The following KCTD8 variants were observed in gnomAD, a reference collection of about 807,000 sequenced individuals.
The protein encoded by KCTD8 is potassium channel tetramerization domain containing 8.
KCTD8 carries 27 observed loss-of-function variants against 31.5 expected under a neutral mutation model. The ratio of observed to expected loss-of-function variants is 0.86; its 90% CI spans 0.63 to 1.18. KCTD8 has a LOEUF of 1.18. Among genes scored for constraint, KCTD8 ranks in the 50% most tolerant of loss-of-function variants. The pLI is 0.00. For missense variants in KCTD8, 658 were observed against 647.7 expected, an observed-to-expected ratio of 1.02 and a Z score of -0.17; for synonymous variants, 290 against 280.0, an observed-to-expected ratio of 1.04 and a Z score of -0.36.
At chr4:44,407,438 G>C (rs1270518120) in intron 1 of KCTD8, among the ~76,000 whole-genome samples, 3 of 148,900 alleles carry the variant, frequency 2.0e-5, no homozygotes, top group Non-Finnish European at 4.4e-5. Context: ...CCCAGACTGA[G>C]TGCAATAGTG....
intron 1 of KCTD8, among the ~76,000 whole-genome samples, chr4:44,192,459 G>T (rs2109335385): frequency 6.8e-6 from 1 of 147,866 alleles, no homozygotes; most frequent in Non-Finnish European, 1.5e-5. Flanking sequence ...TGGATGGGGT[G>T]CAAGGTAAGC....
At chr4:44,294,463 C>G (rs546537046) in intron 1 of KCTD8, among the ~76,000 whole-genome samples, 2 of 152,190 alleles carry the variant, frequency 1.3e-5, no homozygotes, top group Non-Finnish European at 2.9e-5. Flanking sequence ...CTCATGCCAT[C>G]AAGTTCAAAA....
At chr4:44,248,552 C>T (rs1715734331) in intron 1 of KCTD8, among the ~76,000 whole-genome samples, 1 of 151,748 alleles carries the variant, frequency 6.6e-6, no homozygotes, top group African/African-American at 2.4e-5. Flanking sequence ...ACATTTTCTC[C>T]CTGTCTGGGG....
At chr4:44,192,075 T>C (rs1713779849) in intron 1 of KCTD8, among the ~76,000 whole-genome samples, 1 of 152,196 alleles carries the variant, frequency 6.6e-6, no homozygotes, top group African/African-American at 2.4e-5. Flanking sequence ...CCTTTATTTC[T>C]CAGACTGGCC....
chr4:44,271,776 T>C (rs1447156094), intron 1 of KCTD8, among the ~76,000 whole-genome samples: 1 of 152,178 alleles, frequency 6.6e-6, no homozygotes, highest in East Asian at 1.9e-4. Flanking sequence ...GGAATACTTT[T>C]AGTTAATCTA....
chr4:44,439,194 A>G (rs1721755028), intron 1 of KCTD8, among the ~76,000 whole-genome samples: 1 of 152,206 alleles, frequency 6.6e-6, no homozygotes, highest in African/African-American at 2.4e-5. Context: ...GCAATATAAT[A>G]TGAATCCTAT....
intron 1 of KCTD8, among the ~76,000 whole-genome samples, chr4:44,386,205 T>A (rs1425277563): frequency 6.6e-6 from 1 of 151,400 alleles, no homozygotes; most frequent in African/African-American, 2.4e-5. Flanking sequence ...GGGTATATAC[T>A]CCCAAAATTG....
chr4:44,244,490 A>G (rs532137355), intron 1 of KCTD8, among the ~76,000 whole-genome samples: 2 of 152,224 alleles, frequency 1.3e-5, no homozygotes, highest in African/African-American at 2.4e-5. Context: ...TTTATTCTCT[A>G]TCGAAGCAGG....
At chr4:44,213,395 C>A (rs1714552092) in intron 1 of KCTD8, among the ~76,000 whole-genome samples, 1 of 151,972 alleles carries the variant, frequency 6.6e-6, no homozygotes, top group Non-Finnish European at 1.5e-5. Flanking sequence ...AAGGTTATGC[C>A]ACATGTAATA....
intron 1 of KCTD8, among the ~76,000 whole-genome samples, chr4:44,191,385 G>A (rs551169687): frequency 3.9e-4 from 59 of 152,148 alleles, no homozygotes; most frequent in East Asian, 2.7e-3. Flanking sequence ...GAATAACAAC[G>A]ATTTTAAGGA....
At chr4:44,346,317 G>A (rs1035620364) in intron 1 of KCTD8, among the ~76,000 whole-genome samples, 4 of 151,888 alleles carry the variant, frequency 2.6e-5, no homozygotes, top group African/African-American at 7.3e-5. Flanking sequence ...ATATTTATTG[G>A]GGAAATATCA....
At chr4:44,256,292 A>G (rs547162324) in intron 1 of KCTD8, among the ~76,000 whole-genome samples, 1 of 152,054 alleles carries the variant, frequency 6.6e-6, no homozygotes, top group Non-Finnish European at 1.5e-5. Flanking sequence ...TCAAAGGAAA[A>G]TGAGAAAGCA....
intron 1 of KCTD8, among the ~76,000 whole-genome samples, chr4:44,230,624 T>C (rs1268543622): frequency 2.6e-5 from 4 of 152,174 alleles, no homozygotes; most frequent in Non-Finnish European, 4.4e-5. Flanking sequence ...CTTAAAAATG[T>C]TCTTTAATGA....
intron 1 of KCTD8, among the ~76,000 whole-genome samples, chr4:44,399,459 A>G (rs1263397666): frequency 1.3e-5 from 2 of 152,206 alleles, no homozygotes; most frequent in Non-Finnish European, 2.9e-5. Flanking sequence ...TAAGGATGTA[A>G]GCAAGATCCC....
At chr4:44,257,043 C>A (rs940591196) in intron 1 of KCTD8, among the ~76,000 whole-genome samples, 4 of 151,780 alleles carry the variant, frequency 2.6e-5, no homozygotes, top group African/African-American at 9.7e-5. Context: ...ATTTACATAA[C>A]ATTTTAAACA....
At chr4:44,434,925 T>C (rs868817150) in intron 1 of KCTD8, among the ~76,000 whole-genome samples, 23 of 151,922 alleles carry the variant, frequency 1.5e-4, no homozygotes, top group African/African-American at 4.3e-4. Context: ...GATTATTTAT[T>C]ACAATTTACA....
chr4:44,263,229 C>T (rs1043926271), intron 1 of KCTD8, among the ~76,000 whole-genome samples: 1 of 152,106 alleles, frequency 6.6e-6, no homozygotes, highest in Non-Finnish European at 1.5e-5. Flanking sequence ...TTCTAGTTAA[C>T]ATGGATTTCT....
rs535376167 is a variant in KCTD8, at chr4:44,175,215, G to A, written c.997C>T (p.His333Tyr). ...PQKIVSPKQE[H>Y]EDRKHDKVTD... The stretch of plus-strand genomic sequence containing the variant: ...ACTTTGTCATGTTTCCTATCTTCAT[G>A]TTCTTGTTTAGGTGATACTATTTTC... The change falls in exon 2 of 2, where the codon CAT (histidine) becomes TAT (tyrosine). Residue 333 changes from histidine (H) to tyrosine (Y), a missense_variant. By Grantham distance (83) the His-to-Tyr change is moderately conservative (BLOSUM62 2). Transcript: ENST00000360029. The A allele has an allele frequency of 4.7e-5, 75 of 1,596,822 alleles. No homozygotes were observed. The South Asian group carries it at 6.5e-4, about 14-fold the overall frequency.
rs377047351 is a variant in KCTD8, at chr4:44,181,252, G to C, written c.962-6002C>G. Among the ~76,000 whole-genome samples the C allele has an allele frequency of 2.8e-3, 361 of 130,118 alleles. 4 individuals are homozygous for C. Among genetic ancestry groups the C allele is most frequent in the South Asian group, 0.013 (53 of 4,126 alleles). 85.4% of individuals were successfully genotyped at this position (130,118 alleles called of 152,430 possible). A position where few individuals can be genotyped will look rare whatever the true frequency, so the allele number is the denominator to read the frequency against. ...GGTCTCCCTCTCCCTCTCTTTCCAC[G>C]GTCTCCCTCTCCCTCTCTTTCCACC... is the stretch of plus-strand genomic sequence containing the variant. On this transcript the variant is annotated intron_variant, in intron 1 of 1. Transcript: ENST00000360029.
Sources: allele counts gnomAD v4.1 joint callset (sites outside exome capture counted in the v4.1 genomes callset), GRCh38; gene constraint gnomAD v4.1.1; transcripts MANE v1.5; gene names NCBI Gene and HGNC (gene_info 2026-07-23, HGNC 2026-07-21).